Variants in TRPS1 observed in about 807,000 individuals in gnomAD.
TRPS1 encodes the protein zinc finger transcription factor Trps1.
TRPS1 carries 6 observed loss-of-function variants against 101.2 expected under a neutral mutation model. That is an observed-to-expected ratio of 0.06 (90% CI 0.03 to 0.12). TRPS1 has a LOEUF of 0.12. Among genes scored for constraint, TRPS1 ranks in the 10% least tolerant of loss-of-function variants. The pLI, the probability that TRPS1 is intolerant of heterozygous loss-of-function variation, is 1.00. For synonymous variants in TRPS1, 578 were observed against 589.8 expected (o/e 0.98, Z 0.29); for missense variants, 1,363 against 1,567.0 (o/e 0.87, Z 2.20).
At chr8:115,532,030 G>A (rs73371336) in intron 5 of TRPS1, among the ~76,000 whole-genome samples, 3,255 of 152,180 alleles carry the variant, frequency 0.021, 120 homozygotes, top group African/African-American at 0.069. Context: ...TGAAGAAAAA[G>A]GAGTCGAAGG....
chr8:115,576,647 A>G (rs1031993508), intron 5 of TRPS1, among the ~76,000 whole-genome samples: 8 of 152,134 alleles, frequency 5.3e-5, no homozygotes, highest in Non-Finnish European at 2.9e-5. Context: ...GAGCAAAAAG[A>G]AAAAATAACA....
chr8:115,666,797 C>A (rs1297533507), intron 1 of TRPS1, among the ~76,000 whole-genome samples: 1 of 152,194 alleles, frequency 6.6e-6, no homozygotes, highest in South Asian at 2.1e-4. Flanking sequence ...CCAGAGTTAT[C>A]ATTTCTTTGT....
chr8:115,648,370 G>T (rs550769992), intron 1 of TRPS1, among the ~76,000 whole-genome samples: 42 of 152,320 alleles, frequency 2.8e-4, no homozygotes, highest in Non-Finnish European at 5.1e-4. Flanking sequence ...GCACACAACT[G>T]CTTCCGCAGG....
At position 115,619,267 on chromosome 8, in the gene TRPS1, G is replaced by A. The variant is rs757623918; in HGVS notation, c.831C>T (p.Ile277=). 4 of 1,613,784 alleles carry A rather than the reference G, an allele frequency of 2.5e-6. No homozygotes were observed. In the East Asian group the frequency reaches 8.9e-5, roughly 36 times the overall value. ...ACTGCACCATGTTATGAAGGGCCAA[G>A]ATTTTGCTGTCCAGCTCAGCATCTT... ...TRQDAELDSK[I]LALHNMVQFS... The change falls in exon 3 of 7, where the codon ATC becomes ATT. Residue 277 remains isoleucine, a synonymous_variant. Transcript: ENST00000395715.
chr8:115,581,584 TAGAAA>T (rs554588187), intron 5 of TRPS1, among the ~76,000 whole-genome samples: 230 of 152,206 alleles, frequency 1.5e-3, no homozygotes, highest in African/African-American at 4.6e-3. Flanking sequence ...AGCAGACTTA[TAGAAA>T]AGAAATTAGA....
intron 5 of TRPS1, among the ~76,000 whole-genome samples, chr8:115,583,231 T>G (rs1358421188): frequency 6.6e-6 from 1 of 150,984 alleles, no homozygotes; most frequent in African/African-American, 2.5e-5. Flanking sequence ...CTGCATAAAT[T>G]TATCTAAAAA....
At chr8:115,429,966 T>C (rs1813279897) in intron 5 of TRPS1, among the ~76,000 whole-genome samples, 2 of 152,146 alleles carry the variant, frequency 1.3e-5, no homozygotes, top group African/African-American at 2.4e-5. Context: ...AGAAAAAAAT[T>C]ACCAAGCTCT....
intron 5 of TRPS1, among the ~76,000 whole-genome samples, chr8:115,480,398 T>C (rs561281509): frequency 1.3e-5 from 2 of 152,238 alleles, no homozygotes; most frequent in South Asian, 2.1e-4. Context: ...TGTACTCTTT[T>C]ATTATAGAGT....
intron 6 of TRPS1, among the ~76,000 whole-genome samples, chr8:115,416,304 C>T (rs1324182579): frequency 3.3e-5 from 5 of 151,658 alleles, no homozygotes; most frequent in Admixed American, 2.0e-4. Context: ...GCAGTTGGAG[C>T]TCTTTGATGT....
At chr8:115,482,957 T>C (rs191678925) in intron 5 of TRPS1, among the ~76,000 whole-genome samples, 1 of 152,344 alleles carries the variant, frequency 6.6e-6, no homozygotes, top group East Asian at 1.9e-4. Flanking sequence ...TAATAAGCAG[T>C]AGCAATTTGC....
intron 5 of TRPS1, among the ~76,000 whole-genome samples, chr8:115,525,180 G>A (rs1190948199): frequency 1.3e-5 from 2 of 152,104 alleles, no homozygotes; most frequent in African/African-American, 4.8e-5. Context: ...TGGATTTAGT[G>A]AAAGCAGATC....
chr8:115,423,375 G>A (rs1813115186), intron 5 of TRPS1, among the ~76,000 whole-genome samples: 1 of 152,202 alleles, frequency 6.6e-6, no homozygotes. Flanking sequence ...CCTGGCAAAT[G>A]CTTTTCAGTG....
In TRPS1 at chr8:115,612,004, A is replaced by G. The variant is rs536789205; in HGVS notation, c.967-7002T>C. 2.6e-5 allele frequency among the ~76,000 whole-genome samples: 4 copies of G among 152,186 alleles called. No homozygotes were observed. In the South Asian group the frequency reaches 8.3e-4, roughly 32 times the overall value. On this transcript the variant is annotated intron_variant, in intron 3 of 6. Transcript: ENST00000395715. The stretch of plus-strand genomic sequence containing the variant: ...TCCCATACTTGCTATAAAATGTAGG[A>G]CAACTGATCAATAAACAGAATTTTT...
At chr8:115,653,673 G>C (rs143877339) in intron 1 of TRPS1, among the ~76,000 whole-genome samples, 97 of 151,300 alleles carry the variant, frequency 6.4e-4, no homozygotes, top group African/African-American at 2.0e-3. Flanking sequence ...AACCAAAAAA[G>C]AAAACAAAAC....
intron 4 of TRPS1, among the ~76,000 whole-genome samples, chr8:115,590,374 T>A (rs1432639992): frequency 6.6e-6 from 1 of 152,166 alleles, no homozygotes; most frequent in East Asian, 1.9e-4. Context: ...AGATCTCTGC[T>A]TGAATTCTCT....
At chr8:115,598,559 T>G (rs1031518207) in intron 4 of TRPS1, among the ~76,000 whole-genome samples, 5 of 152,148 alleles carry the variant, frequency 3.3e-5, no homozygotes, top group African/African-American at 1.2e-4. Flanking sequence ...AGCCTTGGCC[T>G]CCCACATGCT....
intron 5 of TRPS1, among the ~76,000 whole-genome samples, chr8:115,449,068 A>C (rs1278199310): frequency 6.6e-6 from 1 of 152,196 alleles, no homozygotes; most frequent in Non-Finnish European, 1.5e-5. Flanking sequence ...AGAAGGATCT[A>C]ACCTATTATA....
chr8:115,419,822 A>G (rs998042831), intron 5 of TRPS1, among the ~76,000 whole-genome samples: 2 of 152,226 alleles, frequency 1.3e-5, no homozygotes, highest in Non-Finnish European at 2.9e-5. Flanking sequence ...AAGTGCTATC[A>G]GAGGCTCTCG....
intron 5 of TRPS1, among the ~76,000 whole-genome samples, chr8:115,542,679 T>A (rs2130311357): frequency 6.6e-6 from 1 of 152,232 alleles, no homozygotes; most frequent in East Asian, 1.9e-4. Flanking sequence ...ATGGCAAGAC[T>A]CTTAACTTAC....
Sources: gnomAD v4.1 joint callset for allele counts (sites outside exome capture counted in the v4.1 genomes callset) on GRCh38, gnomAD v4.1.1 for gene constraint, MANE v1.5 for transcripts, NCBI Gene and HGNC (gene_info 2026-07-23, HGNC 2026-07-21) for gene names.